Variants in OTUD4 observed in about 807,000 individuals in gnomAD.
OTUD4 encodes the protein OTU domain-containing protein 4.
A neutral mutation model predicts 130.4 loss-of-function variants in OTUD4; 24 were observed. The observed-to-expected ratio is 0.18, with a 90% CI of 0.13 to 0.26. The LOEUF (loss-of-function observed/expected upper bound fraction) is 0.26. OTUD4 is among the 10% of genes least tolerant of loss of function. The pLI is 1.00. For synonymous variants in OTUD4, 420 were observed against 472.5 expected (o/e 0.89, Z 1.44); for missense variants, 1,031 against 1,329.4 (o/e 0.78, Z 3.49).
chr4:145,154,351 G>C (rs983709031), intron 10 of OTUD4, among the ~76,000 whole-genome samples: 20 of 152,160 alleles, frequency 1.3e-4, no homozygotes, highest in African/African-American at 4.6e-4. Flanking sequence ...CAGAACTATT[G>C]AAGGTTCTTA....
chr4:145,139,261 CA>C (rs1750441570), intron 20 of OTUD4, among the ~76,000 whole-genome samples: 1 of 152,130 alleles, frequency 6.6e-6, no homozygotes, highest in South Asian at 2.1e-4. Flanking sequence ...AGCAATGCAG[CA>C]GATAGTAAAA....
At position 145,137,153 on chromosome 4, in the gene OTUD4, T is replaced by TA. The variant is rs576600664; in HGVS notation, c.*276dup. On this transcript the variant is annotated 3_prime_UTR_variant, in exon 21 of 21. Transcript: ENST00000447906. ...ATAATGTTTTATATTAAGCTGTTTA[T>TA]AAAAAATACTTTAACAAACTTATCT... is the stretch of plus-strand genomic sequence containing the variant. The TA allele has an allele frequency of 4.2e-5, 13 of 312,618 alleles. No individual in the cohort carries two copies. The highest frequency in any genetic ancestry group is 2.6e-4 in the African/African-American group (12 of 46,774). The allele number at this position is 312,618 out of a possible 1,614,324, so 19.4% of individuals were successfully genotyped here.
rs766805336 is a variant in OTUD4, at chr4:145,165,221, C to T, written c.295-24G>A. ...TCCTGTATTGAAGAAAAAAAGGTGGCATGTAAGTGTCTCACACTTTTTAGA... is the reference window on the plus strand; with the variant it reads ...TCCTGTATTGAAGAAAAAAAGGTGGTATGTAAGTGTCTCACACTTTTTAGA... On this transcript the variant is annotated intron_variant, in intron 3 of 20. Coordinates refer to ENST00000447906, the MANE Select transcript of OTUD4 (RefSeq NM_001366057.1). 28 of 1,572,702 alleles carry T rather than the reference C, an allele frequency of 1.8e-5. 1 individual carries two copies. The African/African-American group carries it at 2.4e-4, about 14-fold the overall frequency.
chr4:145,176,191 C>T (rs896014598), intron 1 of OTUD4, among the ~76,000 whole-genome samples: 11 of 151,520 alleles, frequency 7.3e-5, no homozygotes, highest in East Asian at 1.9e-4. Context: ...CCACCACGCC[C>T]GGCCCTAGCT....
intron 6 of OTUD4, among the ~76,000 whole-genome samples, chr4:145,162,382 T>C (rs1368719577): frequency 6.6e-6 from 1 of 151,904 alleles, no homozygotes; most frequent in Non-Finnish European, 1.5e-5. Flanking sequence ...TGAAACCTAG[T>C]CTCTATTAAA....
intron 1 of OTUD4, 40 bp from the exon 2 acceptor site, chr4:145,174,784 G>T: frequency 1.7e-6 from 2 of 1,150,842 alleles, no homozygotes; most frequent in Non-Finnish European, 2.6e-6. Context: ...TAAGCATTTA[G>T]TTAAAAGTTA....
chr4:145,151,723 T>C (rs1226263124), intron 11 of OTUD4, among the ~76,000 whole-genome samples: 1 of 152,198 alleles, frequency 6.6e-6, no homozygotes, highest in East Asian at 1.9e-4. Context: ...TGCTGCTGGT[T>C]ATAATGGGGA....
At chr4:145,172,384 G>A (rs138108524) in intron 2 of OTUD4, among the ~76,000 whole-genome samples, 2 of 152,214 alleles carry the variant, frequency 1.3e-5, no homozygotes, top group Non-Finnish European at 2.9e-5. Context: ...TAGAAAGAGC[G>A]ATGAGAACTA....
At position 145,134,958 on chromosome 4, in the gene OTUD4, TAAAGAAATATGTCAAC is replaced by T. The variant is rs1750170306; in HGVS notation, c.*2456_*2471del. ...CTATACTTTTGCCTCTATTCTCTTA[TAAAGAAATATGTCAAC>T]ATAACAGTATGACATAACAGTTAAA... On this transcript the variant is annotated 3_prime_UTR_variant, in exon 21 of 21. Transcript: ENST00000447906. 3 of 398,152 alleles carry T rather than the reference TAAAGAAATATGTCAAC, an allele frequency of 7.5e-6. No homozygotes were observed. In the East Asian group the frequency reaches 1.1e-4, roughly 14 times the overall value. 24.7% of individuals were successfully genotyped at this position (398,152 alleles called of 1,614,324 possible). A position where few individuals can be genotyped will look rare whatever the true frequency, so the allele number is the denominator to read the frequency against.
intron 7 of OTUD4, among the ~76,000 whole-genome samples, chr4:145,156,546 A>G (rs1809185): frequency 0.25 from 38,631 of 151,842 alleles, 6,377 homozygotes; most frequent in East Asian, 0.46. Flanking sequence ...AGCTGGGCGT[A>G]GTGGCACATG....
chr4:145,176,924 GT>G (rs905280508), intron 1 of OTUD4, among the ~76,000 whole-genome samples: 4 of 152,196 alleles, frequency 2.6e-5, no homozygotes, highest in African/African-American at 9.6e-5. Context: ...CAATTAGTTT[GT>G]TTTCAGTGTA....
intron 13 of OTUD4, among the ~76,000 whole-genome samples, chr4:145,149,054 G>T (rs1365171046): frequency 2.6e-5 from 4 of 152,136 alleles, no homozygotes; most frequent in African/African-American, 9.7e-5. Flanking sequence ...CTAATCTCTA[G>T]TACCTGTGCA....
intron 3 of OTUD4, chr4:145,170,810 C>A (rs1217936806): frequency 6.6e-6 from 1 of 152,132 alleles, no homozygotes; most frequent in African/African-American, 2.4e-5. Flanking sequence ...CCTTAACATT[C>A]TAAATGGCAT....
chr4:145,144,539 A>C, intron 14 of OTUD4, 105 bp from the exon 15 acceptor site: 1 of 1,101,062 alleles, frequency 9.1e-7, no homozygotes, highest in Non-Finnish European at 1.3e-6. Flanking sequence ...AAATCTTAAA[A>C]TTCACAGCCC....
At chr4:145,166,698 G>A (rs1227536754) in intron 3 of OTUD4, among the ~76,000 whole-genome samples, 2 of 152,108 alleles carry the variant, frequency 1.3e-5, no homozygotes, top group Non-Finnish European at 2.9e-5. Context: ...AACATTAGTC[G>A]GGCCTGGTGG....
At chr4:145,170,734 T>G (rs1356688247) in intron 3 of OTUD4, 1 of 152,242 alleles carries the variant, frequency 6.6e-6, no homozygotes, top group Non-Finnish European at 1.5e-5. Context: ...CACCCTTGGT[T>G]CCTACATTAC....
intron 6 of OTUD4, among the ~76,000 whole-genome samples, chr4:145,162,066 G>A (rs1751599103): frequency 6.6e-6 from 1 of 152,118 alleles, no homozygotes; most frequent in African/African-American, 2.4e-5. Flanking sequence ...TTGACTTCCT[G>A]GGCTCAAGTG....
chr4:145,172,414 G>T (rs1343278129), intron 2 of OTUD4, among the ~76,000 whole-genome samples: 1 of 152,206 alleles, frequency 6.6e-6, no homozygotes, highest in Non-Finnish European at 1.5e-5. Context: ...AAAATATTTT[G>T]AAGCATCAAC....
chr4:145,178,275 C>T (rs1266207504), intron 1 of OTUD4: 1 of 152,210 alleles, frequency 6.6e-6, no homozygotes. Flanking sequence ...GCACACCCTT[C>T]TGCTTCAATA....
Sources: allele counts gnomAD v4.1 joint callset (sites outside exome capture counted in the v4.1 genomes callset), GRCh38; gene constraint gnomAD v4.1.1; transcripts MANE v1.5; gene names NCBI Gene and HGNC (gene_info 2026-07-23, HGNC 2026-07-21).